MGAT5: variants seen among roughly 807,000 people sequenced by gnomAD.
MGAT5 encodes alpha-1,6-mannosylglycoprotein 6-beta-N-acetylglucosaminyltransferase A.
In MGAT5, 30 loss-of-function variants were observed where a neutral mutation model predicts 94.3. The observed-to-expected ratio is 0.32, with a 90% CI of 0.24 to 0.43. MGAT5 has a LOEUF of 0.43. Ranked by LOEUF, MGAT5 falls within the 20% of genes least tolerant of loss-of-function variation. The pLI is 1.00. For missense variants in MGAT5, 691 were observed against 905.5 expected (o/e 0.76, Z 3.04); for synonymous variants, 310 against 322.9 (o/e 0.96, Z 0.43).
chr2:134,164,871 A>G (rs1431953252), intron 1 of MGAT5, among the ~76,000 whole-genome samples: 3 of 151,978 alleles, frequency 2.0e-5, no homozygotes, highest in Non-Finnish European at 4.4e-5. Flanking sequence ...ACAAAGCAAA[A>G]CAAAACAACA....
chr2:134,195,077 C>T (rs1679432852), intron 1 of MGAT5, among the ~76,000 whole-genome samples: 1 of 152,138 alleles, frequency 6.6e-6, no homozygotes, highest in South Asian at 2.1e-4. Context: ...CAAATATCCC[C>T]CAGAACACAG....
intron 1 of MGAT5, among the ~76,000 whole-genome samples, chr2:134,228,633 G>C (rs1243283309): frequency 6.6e-6 from 1 of 152,188 alleles, no homozygotes; most frequent in Non-Finnish European, 1.5e-5. Context: ...ATTGCAGAAG[G>C]CAGAGAGTTT....
chr2:134,319,553 T>A (rs1456658321), intron 4 of MGAT5: 1 of 163,296 alleles, frequency 6.1e-6, no homozygotes, highest in African/African-American at 2.4e-5. Context: ...ATGGTATCAG[T>A]TGCACAGTGG....
intron 1 of MGAT5, among the ~76,000 whole-genome samples, chr2:134,144,593 G>A (rs1686820502): frequency 6.6e-6 from 1 of 152,132 alleles, no homozygotes; most frequent in Non-Finnish European, 1.5e-5. Context: ...TTGGTGCTCA[G>A]TATAATCCTT....
chr2:134,169,387 TACACACACACAC>T (rs61268974), intron 1 of MGAT5, among the ~76,000 whole-genome samples: 1 of 138,670 alleles, frequency 7.2e-6, no homozygotes, highest in Admixed American at 7.2e-5. Context: ...AATTTAAAAA[TACACACACACAC>T]ACACACACAC....
intron 4 of MGAT5, among the ~76,000 whole-genome samples, chr2:134,330,446 C>G (rs1252997087): frequency 6.6e-6 from 1 of 152,084 alleles, no homozygotes; most frequent in African/African-American, 2.4e-5. Context: ...AGCCCTGCCA[C>G]TCACTAGAGA....
At chr2:134,192,396 T>G (rs36027999) in intron 1 of MGAT5, among the ~76,000 whole-genome samples, 182 of 152,312 alleles carry the variant, frequency 1.2e-3, no homozygotes, top group Middle Eastern at 3.4e-3. Context: ...ATCTCTGTTC[T>G]TTACTTGTCT....
At chr2:134,255,372 A>T (rs564858114) in intron 1 of MGAT5, among the ~76,000 whole-genome samples, 1 of 152,016 alleles carries the variant, frequency 6.6e-6, no homozygotes. Flanking sequence ...AAAGAAAAAA[A>T]TTACACATAA....
At chr2:134,125,975 G>A (rs1054171073) in intron 1 of MGAT5, among the ~76,000 whole-genome samples, 5 of 152,218 alleles carry the variant, frequency 3.3e-5, no homozygotes, top group Non-Finnish European at 5.9e-5. Context: ...GCATGGGGTA[G>A]GTGAGGAGTG....
intron 1 of MGAT5, among the ~76,000 whole-genome samples, chr2:134,231,787 C>G (rs1681376776): frequency 6.6e-6 from 1 of 152,162 alleles, no homozygotes; most frequent in African/African-American, 2.4e-5. Flanking sequence ...TGAAAATGAT[C>G]AGACCAGGGC....
At chr2:134,247,359 T>TAAAAAA (rs34029606) in intron 1 of MGAT5, among the ~76,000 whole-genome samples, 16 of 91,456 alleles carry the variant, frequency 1.7e-4, no homozygotes, top group East Asian at 5.8e-4. Context: ...GGGCCTGAAT[T>TAAAAAA]AAAAAAAAAA....
In MGAT5 at chr2:134,254,268, G is replaced by A; in HGVS notation, c.-136G>A. 6 of 1,018,224 alleles carry A rather than the reference G, an allele frequency of 5.9e-6. No homozygotes were observed. The highest frequency in any genetic ancestry group is 8.6e-6 in the Non-Finnish European group (6 of 699,658). 63.1% of individuals were successfully genotyped at this position (1,018,224 alleles called of 1,614,324 possible). A position where few individuals can be genotyped will look rare whatever the true frequency, so the allele number is the denominator to read the frequency against. On this transcript the variant is annotated 5_prime_UTR_variant, in exon 1 of 16. The change abolishes an upstream ATG in the 5' untranslated region. Coordinates refer to ENST00000281923, the MANE Select transcript of MGAT5 (RefSeq NM_002410.5). ...TTCTTCTCCTCCTTCACAGCAGAAT[G>A]GAAGTGAGGAAAGGCAACCAGCTGA...
chr2:134,250,029 C>CT (rs112327969), upstream of MGAT5, among the ~76,000 whole-genome samples: 8 of 151,548 alleles, frequency 5.3e-5, no homozygotes, highest in East Asian at 3.9e-4. Context: ...TTTTCATGTG[C>CT]TTTTTTTTTC....
chr2:134,280,636 G>A (rs1339866451), intron 2 of MGAT5, among the ~76,000 whole-genome samples: 1 of 152,236 alleles, frequency 6.6e-6, no homozygotes, highest in Non-Finnish European at 1.5e-5. Context: ...CCCAGTGAAG[G>A]ACTTGTGCTA....
chr2:134,230,825 A>AACACAC (rs58303257), intron 1 of MGAT5, among the ~76,000 whole-genome samples: 54 of 150,888 alleles, frequency 3.6e-4, no homozygotes, highest in East Asian at 2.4e-3. Context: ...GGGGAATGAA[A>AACACAC]ACACACACAC....
intron 1 of MGAT5, among the ~76,000 whole-genome samples, chr2:134,189,607 T>TTTTGTTTTGTTTTG (rs1553490427): frequency 3.7e-5 from 3 of 80,618 alleles, no homozygotes; most frequent in Non-Finnish European, 7.0e-5. Flanking sequence ...TTTTTGTTTT[T>TTTTGTTTTGTTTTG]TTTTTTTTTT....
intron 1 of MGAT5, among the ~76,000 whole-genome samples, chr2:134,186,448 C>T (rs1689037598): frequency 6.6e-6 from 1 of 150,464 alleles, no homozygotes; most frequent in African/African-American, 2.4e-5. Context: ...GATGTCAGTG[C>T]CACTTACCTC....
At chr2:134,324,191 C>T (rs1687510911) in intron 4 of MGAT5, among the ~76,000 whole-genome samples, 1 of 152,060 alleles carries the variant, frequency 6.6e-6, no homozygotes, top group South Asian at 2.1e-4. Flanking sequence ...TTCTTGTATG[C>T]ACTTCTGTTG....
At chr2:134,193,854 C>T (rs184535206) in intron 1 of MGAT5, among the ~76,000 whole-genome samples, 149 of 152,212 alleles carry the variant, frequency 9.8e-4, no homozygotes, top group African/African-American at 3.2e-3. Flanking sequence ...TTAAATCTTC[C>T]TGGCACGCCT....
Sources: gnomAD v4.1 joint callset for allele counts (sites outside exome capture counted in the v4.1 genomes callset) on GRCh38, gnomAD v4.1.1 for gene constraint, MANE v1.5 for transcripts, NCBI Gene and HGNC (gene_info 2026-07-23, HGNC 2026-07-21) for gene names.